Variants in NRXN3 observed in about 807,000 individuals in gnomAD.
The protein encoded by NRXN3 is neurexin 3.
In NRXN3, 32 loss-of-function variants were observed where a neutral mutation model predicts 137.6. That is an observed-to-expected ratio of 0.23 (90% CI 0.18 to 0.31). The LOEUF (loss-of-function observed/expected upper bound fraction) is 0.31, where lower values mean the gene tolerates loss of function less well. NRXN3 is among the 10% of genes least tolerant of loss of function. The pLI is 1.00. For missense variants in NRXN3, 1,574 were observed against 2,062.5 expected (o/e 0.76, Z 4.59); for synonymous variants, 798 against 784.5 (o/e 1.02, Z -0.29).
chr14:79,058,207 G>A (rs144997140), intron 15 of NRXN3, among the ~76,000 whole-genome samples: 1 of 152,140 alleles, frequency 6.6e-6, no homozygotes, highest in East Asian at 1.9e-4. Flanking sequence ...AAGGATTGCT[G>A]AGGTTCAAAC....
At chr14:78,774,089 C>T (rs948663073) in intron 8 of NRXN3, among the ~76,000 whole-genome samples, 26 of 152,108 alleles carry the variant, frequency 1.7e-4, no homozygotes, top group African/African-American at 3.6e-4. Context: ...CATGAGCCAC[C>T]GCGCCCGGCC....
At chr14:78,661,476 T>C (rs1049548778) in intron 6 of NRXN3, among the ~76,000 whole-genome samples, 9 of 152,202 alleles carry the variant, frequency 5.9e-5, no homozygotes, top group African/African-American at 2.2e-4. Context: ...TATGAAAGTT[T>C]TTGTAAGATG....
chr14:78,295,363 A>G (rs1324454964), intron 3 of NRXN3, among the ~76,000 whole-genome samples: 1 of 152,192 alleles, frequency 6.6e-6, no homozygotes, highest in Non-Finnish European at 1.5e-5. Flanking sequence ...TAAGTTGAAT[A>G]TGAACATTTT....
chr14:79,691,829 T>G (rs910361352), intron 17 of NRXN3, among the ~76,000 whole-genome samples: 2 of 152,034 alleles, frequency 1.3e-5, no homozygotes, highest in Admixed American at 6.6e-5. Flanking sequence ...GAATTAGTCA[T>G]GGGTCAAGGA....
intron 15 of NRXN3, among the ~76,000 whole-genome samples, chr14:79,390,502 C>T (rs1198585388): frequency 1.3e-5 from 2 of 152,068 alleles, no homozygotes; most frequent in Non-Finnish European, 1.5e-5. Context: ...TAAGGCAACT[C>T]ATAGTGTTTC....
rs373680154 is a variant in NRXN3 at position 79,554,143 on chromosome 14, A to C, written c.3444+86741A>C. ...AGGTTGGAAGTTGGGGAAATAATTC[A>C]AAAAGAAAACTCCAAATAAACAACA... On this transcript the variant is annotated intron_variant, in intron 16 of 20. Transcript: ENST00000335750. Among the ~76,000 whole-genome samples, 79 of 152,284 alleles carry C rather than the reference A, an allele frequency of 5.2e-4. 1 individual carries two copies. In the South Asian group the frequency reaches 0.015, roughly 30 times the overall value.
chr14:79,039,686 T>C (rs1407859772), intron 15 of NRXN3, among the ~76,000 whole-genome samples: 2 of 152,126 alleles, frequency 1.3e-5, no homozygotes, highest in African/African-American at 4.8e-5. Context: ...CTTTTTCATA[T>C]TCTTTTTTAT....
chr14:79,667,623 G>A (rs1474423470), intron 17 of NRXN3, among the ~76,000 whole-genome samples: 1 of 151,992 alleles, frequency 6.6e-6, no homozygotes, highest in Non-Finnish European at 1.5e-5. Context: ...ACTAAATTCT[G>A]GGAGGTAGAA....
intron 19 of NRXN3, among the ~76,000 whole-genome samples, chr14:79,801,376 C>T (rs989702306): frequency 1.3e-5 from 2 of 152,142 alleles, no homozygotes; most frequent in African/African-American, 4.8e-5. Context: ...AAGAACACTT[C>T]TAATGTGGGG....
At chr14:78,400,887 G>T (rs1015009243) in intron 4 of NRXN3, among the ~76,000 whole-genome samples, 2 of 152,148 alleles carry the variant, frequency 1.3e-5, no homozygotes, top group African/African-American at 4.8e-5. Flanking sequence ...ATCTTCATCT[G>T]TTTGTGCTGC....
At chr14:79,563,187 A>G (rs1159158718) in intron 16 of NRXN3, among the ~76,000 whole-genome samples, 1 of 152,190 alleles carries the variant, frequency 6.6e-6, no homozygotes, top group Non-Finnish European at 1.5e-5. Flanking sequence ...ATTCTTATCC[A>G]TAGAGAATAA....
intron 1 of NRXN3, among the ~76,000 whole-genome samples, chr14:78,239,378 A>T (rs1256861464): frequency 6.6e-6 from 1 of 152,208 alleles, no homozygotes; most frequent in Non-Finnish European, 1.5e-5. Context: ...GCCTGGAATG[A>T]ATTGGAGCTC....
intron 15 of NRXN3, among the ~76,000 whole-genome samples, chr14:79,070,941 G>A (rs114246314): frequency 1.0e-3 from 155 of 152,266 alleles, no homozygotes; most frequent in African/African-American, 3.6e-3. Context: ...GCAGTTTAAC[G>A]ATGTAGCCGT....
intron 15 of NRXN3, among the ~76,000 whole-genome samples, chr14:79,393,047 C>G (rs549995103): frequency 6.7e-6 from 1 of 149,238 alleles, no homozygotes; most frequent in Non-Finnish European, 1.5e-5. Context: ...CGCTTTTATA[C>G]TGTTGGTGGG....
intron 4 of NRXN3, among the ~76,000 whole-genome samples, chr14:78,299,827 A>G (rs997618105): frequency 6.6e-6 from 1 of 152,218 alleles, no homozygotes; most frequent in African/African-American, 2.4e-5. Context: ...AGAAAGACAT[A>G]ATGACAGACA....
chr14:78,997,186 CA>C (rs2153096541), intron 15 of NRXN3, among the ~76,000 whole-genome samples: 1 of 152,220 alleles, frequency 6.6e-6, no homozygotes, highest in African/African-American at 2.4e-5. Flanking sequence ...CTACAAACCC[CA>C]GTAGACACTT....
chr14:78,733,447 G>A (rs960988039), intron 8 of NRXN3, among the ~76,000 whole-genome samples: 18 of 152,164 alleles, frequency 1.2e-4, no homozygotes, highest in Non-Finnish European at 2.2e-4. Flanking sequence ...CCATTTCAAA[G>A]ATAATTTTCT....
chr14:79,280,094 T>G, intron 15 of NRXN3: 4 of 1,386,972 alleles, frequency 2.9e-6, no homozygotes, highest in East Asian at 2.7e-5. Flanking sequence ...CTTTTTGCCT[T>G]TTATCTTTTT....
At chr14:78,954,945 C>T (rs1256398084) in intron 10 of NRXN3, among the ~76,000 whole-genome samples, 3 of 152,166 alleles carry the variant, frequency 2.0e-5, no homozygotes, top group East Asian at 3.9e-4. Flanking sequence ...AGAGAAAGCT[C>T]GTTTTATATC....
Sources: allele counts gnomAD v4.1 joint callset (sites outside exome capture counted in the v4.1 genomes callset), GRCh38; gene constraint gnomAD v4.1.1; transcripts MANE v1.5; gene names NCBI Gene and HGNC (gene_info 2026-07-23, HGNC 2026-07-21).